Variants in IHH observed in about 807,000 individuals in gnomAD.
The protein encoded by IHH is indian hedgehog protein.
IHH carries 9 observed loss-of-function variants against 29.4 expected under a neutral mutation model. The observed-to-expected ratio is 0.31, with a 90% CI of 0.18 to 0.53. The LOEUF is 0.53. IHH is among the 20% of genes least tolerant of loss of function. The pLI, the probability that IHH is intolerant of heterozygous loss-of-function variation, is 0.95. For missense variants in IHH, 454 were observed against 578.1 expected, an observed-to-expected ratio of 0.79 and a Z score of 2.20; for synonymous variants, 254 against 252.7, an observed-to-expected ratio of 1.01 and a Z score of -0.05.
rs765272765 is a variant in IHH, at chr2:219,057,577, G to T, written c.433C>A (p.His145Asn). The change falls in exon 2 of 3, where the codon CAT (histidine) becomes AAT (asparagine). Residue 145 changes from histidine to asparagine, a missense_variant. By Grantham distance (68) the His-to-Asn change is moderately conservative (BLOSUM62 1). This residue lies in a region of IHH where 70 missense variants were observed against 140.1 expected (regional missense o/e 0.50). Coordinates refer to ENST00000295731, the MANE Select transcript of IHH (RefSeq NM_002181.4). The stretch of plus-strand genomic sequence containing the variant: ...ATGTCCACCGCGCGGCCCTCATAAT[G>T]CAGGGACTCCTCTGAGTGGTGGCCG... The part of the protein sequence containing the change: ...EDGHHSEESL[H>N]YEGRAVDITT... 1.2e-6 allele frequency: 2 copies of T among 1,614,124 alleles called. No homozygotes were observed. The highest frequency in any genetic ancestry group is 1.7e-6 in the Non-Finnish European group (2 of 1,180,038).
chr2:219,055,680 T>C lies in IHH; in HGVS notation c.763A>G (p.Arg255Gly). 1 of 1,614,036 alleles carries C rather than the reference T, an allele frequency of 6.2e-7. No individual in the cohort carries two copies. The highest frequency in any genetic ancestry group is 8.5e-7 in the Non-Finnish European group (1 of 1,179,954). Residue 255 changes from arginine to glycine, a missense_variant, in exon 3 of 3, where the codon AGA (arginine) becomes GGA (glycine). Arg to Gly is a moderately radical substitution (Grantham distance 125, BLOSUM62 -2). Around this residue, in one of 3 missense-constraint regions of IHH, gnomAD observed 271 missense variants for 315.9 expected, o/e 0.86. Transcript: ENST00000295731. ...IFLDREPHRL[R>G]AFQVIETQDP... ...TGAGTCTCGATGACCTGGAAGGCTCTCAGCCTGTGAGGCTCGCGGTCCAGG... is the reference window on the plus strand; with the variant it reads ...TGAGTCTCGATGACCTGGAAGGCTCCCAGCCTGTGAGGCTCGCGGTCCAGG...
chr2:219,058,189 G>T (rs1948847554), intron 1 of IHH, among the ~76,000 whole-genome samples: 1 of 152,204 alleles, frequency 6.6e-6, no homozygotes, highest in Non-Finnish European at 1.5e-5. Flanking sequence ...CAGCCTCAGG[G>T]CTGAGGCCTG....
Position 219,054,733 on chromosome 2 carries a change from T to C in IHH, c.*474A>G, listed in dbSNP as rs1298740245. 1 of 178,176 alleles carries C rather than the reference T, an allele frequency of 5.6e-6. No individual in the cohort carries two copies. The highest frequency in any genetic ancestry group is 2.4e-5 in the African/African-American group (1 of 41,904). The allele number at this position is 178,176 out of a possible 1,614,324, so 11.0% of individuals were successfully genotyped here. A position where few individuals can be genotyped will look rare whatever the true frequency, so the allele number is the denominator to read the frequency against. On this transcript the variant is annotated 3_prime_UTR_variant, in exon 3 of 3. Transcript: ENST00000295731. ...CGGGGAGGAATGTCATACCTCAGAA[T>C]GGCCGGGATGGCTGCCCCACCCCTG...
Position 219,060,040 on chromosome 2 carries a change from G to T in IHH, c.315+113C>A. On this transcript the variant is annotated intron_variant, in intron 1 of 2. Transcript: ENST00000295731. The surrounding 1 kb of genome is among the most constrained non-coding windows in gnomAD (Gnocchi z 8.8). ...GAGGCAGCGGGGCTTGGCGAGAGGG[G>T]CAGGTGCCAGGGAGCGTGCCAGCCA... The T allele has an allele frequency of 1.1e-6, 1 of 935,336 alleles. No individual in the cohort carries two copies. The highest frequency in any genetic ancestry group is 1.6e-6 in the Non-Finnish European group (1 of 615,632). 57.9% of individuals were successfully genotyped at this position (935,336 alleles called of 1,614,324 possible).
chr2:219,060,124 G>C lies in IHH; in HGVS notation c.315+29C>G, dbSNP rs754614951. 1 of 1,588,450 alleles carries C rather than the reference G, an allele frequency of 6.3e-7. No homozygotes were observed. The highest frequency in any genetic ancestry group is 1.1e-5 in the South Asian group (1 of 89,522). The stretch of plus-strand genomic sequence containing the variant: ...GGGCAGGTGGCCGTGCTTCGGTGGC[G>C]GCGCGCTGGTAGGGCGGATCGCGCT... On this transcript the variant is annotated intron_variant, in intron 1 of 2. Coordinates refer to ENST00000295731, the MANE Select transcript of IHH (RefSeq NM_002181.4). This position sits in a 1 kb window ranked among gnomAD's most constrained non-coding sequence, Gnocchi z 8.8.
At chr2:219,057,877 A>G (rs1341969168) in intron 1 of IHH, among the ~76,000 whole-genome samples, 183 bp from the exon 2 acceptor site, 1 of 152,200 alleles carries the variant, frequency 6.6e-6, no homozygotes, top group Non-Finnish European at 1.5e-5. Context: ...CCTCCCTAGC[A>G]TACAGCCGCC....
chr2:219,055,806 C>T lies in IHH; in HGVS notation c.637G>A (p.Glu213Lys), dbSNP rs1401393747. 2 of 1,612,898 alleles carry T rather than the reference C, an allele frequency of 1.2e-6. No homozygotes were observed. The highest frequency in any genetic ancestry group is 1.7e-6 in the Non-Finnish European group (2 of 1,179,984). The part of the protein sequence containing the change: ...CFPAGAQVRL[E>K]SGARVALSAV... ...GACAAGGCCACACGCGCCCCACTCT[C>T]CAGGCGTACCTGGGCTCCGGCAGGG... is the stretch of plus-strand genomic sequence containing the variant. The change falls in exon 3 of 3, where the codon GAG becomes AAG. Residue 213 changes from glutamate (E) to lysine (K), a missense_variant. Around this residue, in one of 3 missense-constraint regions of IHH, gnomAD observed 271 missense variants for 315.9 expected, o/e 0.86. Coordinates refer to ENST00000295731, the MANE Select transcript of IHH (RefSeq NM_002181.4).
rs1948867095 is a variant in IHH at position 219,060,088 on chromosome 2, T to G, written c.315+65A>C. On this transcript the variant is annotated intron_variant, in intron 1 of 2. Coordinates refer to ENST00000295731, the MANE Select transcript of IHH (RefSeq NM_002181.4). The surrounding 1 kb of genome is among the most constrained non-coding windows in gnomAD (Gnocchi z 8.8). ...CCAGTCGAGAAAATGTGCCAGGGGGTGGGTAGGGCCGGGCAGGTGGCCGTG... is the reference window on the plus strand; with the variant it reads ...CCAGTCGAGAAAATGTGCCAGGGGGGGGGTAGGGCCGGGCAGGTGGCCGTG... 4.4e-6 allele frequency: 6 copies of G among 1,362,828 alleles called. No homozygotes were observed. Among genetic ancestry groups the G allele is most frequent in the African/African-American group, 1.5e-5 (1 of 68,132 alleles). The allele number at this position is 1,362,828 out of a possible 1,614,324, so 84.4% of individuals were successfully genotyped here. A position where few individuals can be genotyped will look rare whatever the true frequency, so the allele number is the denominator to read the frequency against.
rs748379688 is a variant in IHH, at chr2:219,055,644, G to A, written c.799C>T (p.Arg267Cys). The A allele has an allele frequency of 4.3e-5, 70 of 1,613,964 alleles. 1 individual carries two copies. The South Asian group carries it at 4.6e-4, about 11-fold the overall frequency. Residue 267 changes from arginine to cysteine, a missense_variant, in exon 3 of 3, where the codon CGC (arginine) becomes TGC (cysteine). Arg to Cys is a radical substitution (Grantham distance 180). Around this residue, in one of 3 missense-constraint regions of IHH, gnomAD observed 271 missense variants for 315.9 expected, o/e 0.86. Coordinates refer to ENST00000295731, the MANE Select transcript of IHH (RefSeq NM_002181.4). The part of the protein sequence containing the change: ...FQVIETQDPP[R>C]RLALTPAHLL... Reference sequence around the variant, plus strand: ...TGAGCGGGTGTGAGTGCCAGGCGGCGTGGGGGGTCCTGAGTCTCGATGACC... The same window carrying A: ...TGAGCGGGTGTGAGTGCCAGGCGGCATGGGGGGTCCTGAGTCTCGATGACC...
In IHH at chr2:219,060,156, G is replaced by C; in HGVS notation, c.312C>G (p.Thr104=). 6.2e-7 allele frequency: 1 copy of C among 1,607,788 alleles called. No individual in the cohort carries two copies. Among genetic ancestry groups the C allele is most frequent in the Non-Finnish European group, 8.5e-7 (1 of 1,176,630 alleles). The change falls in exon 1 of 3, where the codon ACC becomes ACG. Residue 104 remains threonine, a synonymous_variant. Coordinates refer to ENST00000295731, the MANE Select transcript of IHH (RefSeq NM_002181.4). The surrounding 1 kb of genome is among the most constrained non-coding windows in gnomAD (Gnocchi z 8.8). The stretch of plus-strand genomic sequence containing the variant: ...TGGTAGGGCGGATCGCGCTCACCTG[G>C]GTCATGAGGCGGTCGGCGCCTGTGT... ...EENTGADRLM[T]QRCKDRLNSL...
rs1466639189 is a variant in IHH at position 219,060,435 on chromosome 2, G to A, written c.33C>T (p.His11=). The change falls in exon 1 of 3, where the codon CAC becomes CAT. Residue 11 remains histidine, a synonymous_variant. Transcript: ENST00000295731. This position sits in a 1 kb window ranked among gnomAD's most constrained non-coding sequence, Gnocchi z 8.8. ...GCAGCAGCAACAGGACCAGGCAGAA[G>A]TGCAGTCGGGGCCGGAGCCGGGCGG... The part of the protein sequence containing the change: MSPARLRPRL[H]FCLVLLLLLV... 1.3e-6 allele frequency: 2 copies of A among 1,578,300 alleles called. No homozygotes were observed. Among genetic ancestry groups the A allele is most frequent in the Non-Finnish European group, 1.7e-6 (2 of 1,166,066 alleles).
Position 219,057,524 on chromosome 2 carries a change from CTTA to C in IHH, c.483_485del (p.Asn161del). ...CTGCCAAGCGCGCCAGCAGTCCATACTTATTGCGGTCGCGGTCTGATGTGGTGA... is the reference window on the plus strand; with the variant it reads ...CTGCCAAGCGCGCCAGCAGTCCATACTTGCGGTCGCGGTCTGATGTGGTGA... On this transcript the variant is annotated inframe_deletion, in exon 2 of 3. Transcript: ENST00000295731. The C allele has an allele frequency of 6.2e-7, 1 of 1,614,050 alleles. No homozygotes were observed. Among genetic ancestry groups the C allele is most frequent in the Non-Finnish European group, 8.5e-7 (1 of 1,180,012 alleles).
In IHH at chr2:219,055,745, C is replaced by T. The variant is rs771831287; in HGVS notation, c.698G>A (p.Gly233Glu). The change falls in exon 3 of 3, where the codon GGG (glycine) becomes GAG (glutamate). Residue 233 changes from glycine (G) to glutamate (E), a missense_variant. This residue lies in a region of IHH where 271 missense variants were observed against 315.9 expected (regional missense o/e 0.86). Coordinates refer to ENST00000295731, the MANE Select transcript of IHH (RefSeq NM_002181.4). ...GCTGAAGGTGGGGCTCCCATCCTCC[C>T]CCATGGCCAGCACACGGTCTCCCGG... Reference protein sequence around the residue: ...VRPGDRVLAMGEDGSPTFSDV... With the variant: ...VRPGDRVLAMEEDGSPTFSDV... The T allele has an allele frequency of 4.3e-6, 7 of 1,613,706 alleles. No homozygotes were observed. Among genetic ancestry groups the T allele is most frequent in the Non-Finnish European group, 5.9e-6 (7 of 1,179,988 alleles).
Position 219,059,046 on chromosome 2 carries a change from C to T in IHH, c.315+1107G>A, listed in dbSNP as rs1948856660. On this transcript the variant is annotated intron_variant, in intron 1 of 2. Coordinates refer to ENST00000295731, the MANE Select transcript of IHH (RefSeq NM_002181.4). This position sits in a 1 kb window ranked among gnomAD's most constrained non-coding sequence, Gnocchi z 4.7. ...CGCCTCTCTCCCTCACTGCCACCGC[C>T]CCCTCTCGGGTCCAGAGCCCGGGCG... is the stretch of plus-strand genomic sequence containing the variant. Among the ~76,000 whole-genome samples the T allele has an allele frequency of 1.3e-5, 2 of 152,152 alleles. No individual in the cohort carries two copies.
intron 2 of IHH, 67 bp from the exon 3 acceptor site, chr2:219,055,932 C>T: frequency 6.6e-7 from 1 of 1,515,846 alleles, no homozygotes; most frequent in Non-Finnish European, 8.9e-7. Context: ...CAACGACCCT[C>T]CCTTGGCCAC....
chr2:219,058,630 T>A (rs974002590), intron 1 of IHH: 1 of 155,096 alleles, frequency 6.4e-6, no homozygotes, highest in African/African-American at 2.4e-5. Context: ...TCATCCTTGG[T>A]TGCTGCCTCC....
At position 219,055,394 on chromosome 2, in the gene IHH, G is replaced by A; in HGVS notation, c.1049C>T (p.Ala350Val). Residue 350 changes from alanine to valine, a missense_variant, in exon 3 of 3, where the codon GCC (alanine) becomes GTC (valine). Physicochemically the swap from Ala to Val is moderately conservative, Grantham distance 64. Around this residue, in one of 3 missense-constraint regions of IHH, gnomAD observed 271 missense variants for 315.9 expected, o/e 0.86. Transcript: ENST00000295731. ...CTGAGCCAGGTGGTGGTCAGCCACG[G>A]CCGCGAAGCAGGATGCCACCACATC... ...VEDVVASCFA[A>V]VADHHLAQLA... 6.2e-7 allele frequency: 1 copy of A among 1,613,284 alleles called. No individual in the cohort carries two copies. Among genetic ancestry groups the A allele is most frequent in the Non-Finnish European group, 8.5e-7 (1 of 1,180,022 alleles).
At chr2:219,058,257 T>G (rs924322918) in intron 1 of IHH, among the ~76,000 whole-genome samples, 1 of 151,064 alleles carries the variant, frequency 6.6e-6, no homozygotes, top group South Asian at 2.1e-4. Context: ...CTTCAGGGGG[T>G]GTGTTGGAGG....
intron 2 of IHH, 60 bp from the exon 3 acceptor site, chr2:219,055,925 C>T (rs1298771731): frequency 7.8e-6 from 12 of 1,547,588 alleles, no homozygotes; most frequent in Admixed American, 3.7e-5. Context: ...CTGGTCACAA[C>T]GACCCTCCCT....
Sources: allele counts gnomAD v4.1 joint callset (sites outside exome capture counted in the v4.1 genomes callset), GRCh38; gene constraint gnomAD v4.1.1; regional missense constraint gnomAD v4.1.1; non-coding constraint Gnocchi (gnomAD v3.1); transcripts MANE v1.5; gene names NCBI Gene and HGNC (gene_info 2026-07-23, HGNC 2026-07-21).